PKP4: variants seen among roughly 807,000 people sequenced by gnomAD.
The protein encoded by PKP4 is plakophilin 4.
PKP4 carries 90 observed loss-of-function variants against 145.1 expected under a neutral mutation model. That is an observed-to-expected ratio of 0.62 (90% CI 0.52 to 0.74). PKP4 has a LOEUF of 0.74. Among genes scored for constraint, PKP4 ranks in the 30% least tolerant of loss-of-function variants. PKP4 has a pLI of 0.00. For synonymous variants in PKP4, 563 were observed against 577.2 expected (o/e 0.98, Z 0.35); for missense variants, 1,340 against 1,482.7 (o/e 0.90, Z 1.58).
At chr2:158,564,629 T>TC (rs1444049748) in intron 2 of PKP4, among the ~76,000 whole-genome samples, 1 of 152,058 alleles carries the variant, frequency 6.6e-6, no homozygotes, top group Non-Finnish European at 1.5e-5. Context: ...AGTGCCCATT[T>TC]CCCCCCAGTT....
At chr2:158,663,218 A>T in intron 14 of PKP4, 54 bp from the exon 15 acceptor site, 1 of 1,568,644 alleles carries the variant, frequency 6.4e-7, no homozygotes, top group Non-Finnish European at 8.7e-7. Context: ...GTTTTCAAGT[A>T]TTGGAGATCA....
chr2:158,484,325 G>A, intron 1 of PKP4, among the ~76,000 whole-genome samples: 1 of 152,182 alleles, frequency 6.6e-6, no homozygotes, highest in Non-Finnish European at 1.5e-5. Flanking sequence ...GGGATTACAG[G>A]CGTGAGCCAC....
chr2:158,488,441 CT>C (rs1376187403), intron 1 of PKP4, among the ~76,000 whole-genome samples: 1 of 152,222 alleles, frequency 6.6e-6, no homozygotes, highest in African/African-American at 2.4e-5. Flanking sequence ...ACCATGTGCT[CT>C]TTTTTTATGT....
At chr2:158,590,260 A>G (rs982975632) in intron 3 of PKP4, among the ~76,000 whole-genome samples, 2 of 148,754 alleles carry the variant, frequency 1.3e-5, no homozygotes, top group African/African-American at 5.0e-5. Context: ...ACCACTGTCA[A>G]ATGTTTGGTT....
At chr2:158,671,871 A>G (rs1319628985) in intron 17 of PKP4, among the ~76,000 whole-genome samples, 1 of 152,250 alleles carries the variant, frequency 6.6e-6, no homozygotes, top group East Asian at 1.9e-4. Context: ...AAGGCCTTGC[A>G]GAGACAGTGC....
At chr2:158,578,175 G>A in intron 3 of PKP4, 1 of 236,770 alleles carries the variant, frequency 4.2e-6, no homozygotes, top group South Asian at 5.6e-5. Flanking sequence ...TCAGTATCTT[G>A]TGTTACTCAT....
At chr2:158,676,150 G>A (rs971970750) in intron 19 of PKP4, among the ~76,000 whole-genome samples, 2 of 152,110 alleles carry the variant, frequency 1.3e-5, no homozygotes, top group Non-Finnish European at 2.9e-5. Context: ...CAGGCTTACT[G>A]GGTTTAAATT....
intron 16 of PKP4, among the ~76,000 whole-genome samples, chr2:158,668,060 C>A (rs1054099037): frequency 3.3e-5 from 5 of 152,118 alleles, no homozygotes; most frequent in African/African-American, 1.2e-4. Context: ...AGACCTTTGG[C>A]AAGAGGAATG....
At chr2:158,630,075 A>AT (rs34352482) in intron 7 of PKP4, among the ~76,000 whole-genome samples, 35,521 of 152,030 alleles carry the variant, frequency 0.23, 4,522 homozygotes, top group Middle Eastern at 0.37. Context: ...ATGATTTGCT[A>AT]TTTTTTTAAA....
intron 9 of PKP4, among the ~76,000 whole-genome samples, chr2:158,637,359 C>T (rs1027768391): frequency 6.6e-6 from 1 of 152,166 alleles, no homozygotes; most frequent in East Asian, 1.9e-4. Flanking sequence ...CAGCCTTGAG[C>T]CGTGCAGCAG....
intron 2 of PKP4, among the ~76,000 whole-genome samples, chr2:158,576,768 G>A (rs2047888972): frequency 2.0e-5 from 3 of 152,032 alleles, no homozygotes; most frequent in Admixed American, 2.0e-4. Flanking sequence ...GATAAATACG[G>A]CAAGACTTTT....
intron 1 of PKP4, among the ~76,000 whole-genome samples, chr2:158,511,385 C>CA (rs879939274): frequency 1.3e-3 from 186 of 141,056 alleles, no homozygotes; most frequent in Admixed American, 1.8e-3. Context: ...AATTCTGTCT[C>CA]AAAAAAAAAA....
chr2:158,465,006 C>G (rs549065208), intron 1 of PKP4, among the ~76,000 whole-genome samples: 4 of 152,278 alleles, frequency 2.6e-5, no homozygotes, highest in African/African-American at 7.2e-5. Context: ...TACTCCATAT[C>G]AGACTGATAG....
At chr2:158,472,019 T>A (rs1691648675) in intron 1 of PKP4, among the ~76,000 whole-genome samples, 1 of 152,134 alleles carries the variant, frequency 6.6e-6, no homozygotes, top group African/African-American at 2.4e-5. Context: ...GAACTGAAAG[T>A]GAATCAATAG....
chr2:158,647,474 G>C (rs1262706584), intron 11 of PKP4, among the ~76,000 whole-genome samples: 3 of 152,146 alleles, frequency 2.0e-5, no homozygotes, highest in Non-Finnish European at 2.9e-5. Flanking sequence ...CTTAAGTGGA[G>C]AAATTTTAGC....
chr2:158,643,344 T>G (rs1048320710), intron 11 of PKP4, among the ~76,000 whole-genome samples: 3 of 152,124 alleles, frequency 2.0e-5, no homozygotes, highest in Non-Finnish European at 4.4e-5. Flanking sequence ...GGCAGAGGTC[T>G]TTCTAGTTAC....
chr2:158,642,041 G>T (rs1287503277), intron 10 of PKP4, among the ~76,000 whole-genome samples: 1 of 151,878 alleles, frequency 6.6e-6, no homozygotes, highest in Admixed American at 6.6e-5. Flanking sequence ...GGGGTGGGGG[G>T]CACAGAGTCT....
intron 11 of PKP4, among the ~76,000 whole-genome samples, chr2:158,652,179 G>C (rs929927366): frequency 6.6e-6 from 1 of 152,214 alleles, no homozygotes; most frequent in Admixed American, 6.5e-5. Flanking sequence ...TTAATATTTT[G>C]TGTTCACTTC....
In PKP4 at chr2:158,621,233, T is replaced by C; in HGVS notation, c.415T>C (p.Ser139Pro). The part of the protein sequence containing the change: ...EQTSLHESEG[S>P]LGNSRSSTQM... Reference sequence around the variant, plus strand: ...ATTTCTTGGTTTCATTCTTACAGGATCATTGGGTAACTCAAGAAGTTCAAC... The same window carrying C: ...ATTTCTTGGTTTCATTCTTACAGGACCATTGGGTAACTCAAGAAGTTCAAC... The change falls in exon 6 of 22, where the codon TCA (serine) becomes CCA (proline). Residue 139 changes from serine to proline, a missense_variant and splice_region_variant. Coordinates refer to ENST00000389759, the MANE Select transcript of PKP4 (RefSeq NM_003628.6). 6.2e-7 allele frequency: 1 copy of C among 1,614,082 alleles called. No homozygotes were observed.
Sources: gnomAD v4.1 joint callset for allele counts (sites outside exome capture counted in the v4.1 genomes callset) on GRCh38, gnomAD v4.1.1 for gene constraint, MANE v1.5 for transcripts, NCBI Gene and HGNC (gene_info 2026-07-23, HGNC 2026-07-21) for gene names.